Variants in SGCD observed in about 807,000 individuals in gnomAD.
SGCD encodes the protein sarcoglycan delta.
A neutral mutation model predicts 36.6 loss-of-function variants in SGCD; 18 were observed. That is an observed-to-expected ratio of 0.49 (90% confidence interval 0.34 to 0.73). The LOEUF is 0.73. Among genes scored for constraint, SGCD ranks in the 30% least tolerant of loss-of-function variants. The probability of loss-of-function intolerance (pLI) is 0.01; values close to 1 mark genes in which losing one functional copy is unlikely to be tolerated. For missense variants in SGCD, 387 were observed against 346.7 expected (o/e 1.12, Z -0.92); for synonymous variants, 133 against 130.6 (o/e 1.02, Z -0.12).
chr5:156,545,416 A>G (rs888377911), intron 4 of SGCD, among the ~76,000 whole-genome samples: 7 of 151,976 alleles, frequency 4.6e-5, no homozygotes, highest in African/African-American at 1.7e-4. Context: ...AGCAGACCCT[A>G]ACGTTTTTGG....
intron 3 of SGCD, among the ~76,000 whole-genome samples, chr5:156,499,229 C>A (rs988597171): frequency 1.3e-5 from 2 of 152,130 alleles, no homozygotes; most frequent in Non-Finnish European, 2.9e-5. Flanking sequence ...ACAGTGCAGA[C>A]CATGTGCTTT....
chr5:156,296,034 G>T (rs1267666957), intron 3 of SGCD, among the ~76,000 whole-genome samples: 1 of 152,186 alleles, frequency 6.6e-6, no homozygotes, highest in Non-Finnish European at 1.5e-5. Flanking sequence ...GGACCTGTGA[G>T]CCAGAGCATC....
intron 1 of SGCD, among the ~76,000 whole-genome samples, chr5:155,936,360 G>C (rs1028369556): frequency 6.6e-6 from 1 of 152,138 alleles, no homozygotes; most frequent in African/African-American, 2.4e-5. Context: ...GGCGACCCTG[G>C]GATGGATAGC....
intron 7 of SGCD, among the ~76,000 whole-genome samples, chr5:156,736,137 C>T (rs1175033108): frequency 1.3e-5 from 2 of 152,276 alleles, no homozygotes; most frequent in East Asian, 3.9e-4. Context: ...CTTGATTAGT[C>T]CCAGTGTTGA....
intron 4 of SGCD, among the ~76,000 whole-genome samples, chr5:156,557,078 C>T (rs1759055926): frequency 6.6e-6 from 1 of 152,028 alleles, no homozygotes; most frequent in South Asian, 2.1e-4. Flanking sequence ...TCCCTTTTTC[C>T]TAAGAAGTAT....
At chr5:155,840,425 T>C in the SGCD span, among the ~76,000 whole-genome samples, 13 of 149,988 alleles carry the variant, frequency 8.7e-5, 1 homozygote, top group African/African-American at 3.2e-4. Flanking sequence ...TTTTTTTTTT[T>C]TGTATTTTTA....
rs112261082 is a variant in SGCD at position 155,994,396 on chromosome 5, T to G, written c.-281-123482T>G. 4.1e-3 allele frequency among the ~76,000 whole-genome samples: 623 copies of G among 152,344 alleles called. 1 individual carries two copies. The highest frequency in any genetic ancestry group is 0.014 in the African/African-American group (589 of 41,582). On this transcript the variant is annotated intron_variant, in intron 1 of 9. Transcript: ENST00000517913. ...ATGTACACTATTATTATTGTACTGG[T>G]TAATGTCACATTTATATTTCACCTC...
At chr5:155,783,551 TA>T in the SGCD span, among the ~76,000 whole-genome samples, 1 of 152,042 alleles carries the variant, frequency 6.6e-6, no homozygotes, top group South Asian at 2.1e-4. Flanking sequence ...TTTTTTTTTT[TA>T]CAAACTCTGA....
chr5:156,405,473 A>T (rs1772357121), intron 3 of SGCD, among the ~76,000 whole-genome samples: 1 of 152,172 alleles, frequency 6.6e-6, no homozygotes, highest in African/African-American at 2.4e-5. Flanking sequence ...TTAGCAAAAA[A>T]GTTTACAAAC....
intron 1 of SGCD, among the ~76,000 whole-genome samples, chr5:156,045,351 T>C (rs962068862): frequency 6.6e-6 from 1 of 152,180 alleles, no homozygotes; most frequent in African/African-American, 2.4e-5. Flanking sequence ...TTTTGTGATC[T>C]GTGCATTTTC....
chr5:156,078,180 A>G (rs983462271), intron 1 of SGCD, among the ~76,000 whole-genome samples: 7 of 151,840 alleles, frequency 4.6e-5, no homozygotes, highest in Non-Finnish European at 7.4e-5. Context: ...TTTTATTGAA[A>G]ATTTTATTAA....
At chr5:156,730,225 T>G (rs577112249) in intron 7 of SGCD, among the ~76,000 whole-genome samples, 1 of 152,170 alleles carries the variant, frequency 6.6e-6, no homozygotes, top group African/African-American at 2.4e-5. Flanking sequence ...TCTGTGCAGT[T>G]TTTTTTAGCT....
At chr5:156,349,583 T>A (rs1769129330) in intron 3 of SGCD, among the ~76,000 whole-genome samples, 3 of 151,936 alleles carry the variant, frequency 2.0e-5, no homozygotes, top group Non-Finnish European at 2.9e-5. Flanking sequence ...TTAATAAAAA[T>A]TAAAAAAAAT....
At chr5:155,956,397 A>C (rs1373384762) in intron 1 of SGCD, among the ~76,000 whole-genome samples, 1 of 152,118 alleles carries the variant, frequency 6.6e-6, no homozygotes, top group African/African-American at 2.4e-5. Flanking sequence ...GAGGAGAAGA[A>C]ATCAAAATTA....
At chr5:156,022,732 A>G (rs1759133861) in intron 1 of SGCD, among the ~76,000 whole-genome samples, 1 of 152,190 alleles carries the variant, frequency 6.6e-6, no homozygotes, top group Non-Finnish European at 1.5e-5. Flanking sequence ...TGTTTTAAAT[A>G]CAATATTCAT....
At chr5:156,098,406 G>A (rs1415714755) in intron 1 of SGCD, among the ~76,000 whole-genome samples, 1 of 152,150 alleles carries the variant, frequency 6.6e-6, no homozygotes, top group Non-Finnish European at 1.5e-5. Context: ...ATAAACAAGA[G>A]TTGATGCCTA....
At chr5:156,451,839 C>A (rs1754033439) in intron 3 of SGCD, among the ~76,000 whole-genome samples, 1 of 152,136 alleles carries the variant, frequency 6.6e-6, no homozygotes, top group African/African-American at 2.4e-5. Flanking sequence ...GAAAATATTT[C>A]TACCTGGTTC....
rs1003197422 is a variant in SGCD at position 156,184,556 on chromosome 5, T to C, written c.-44+60537T>C. ...TTTATTGATTGCTTCTTCCTTGTCC[T>C]GTCTTATATTTATGAGACTTCTTAA... On this transcript the variant is annotated intron_variant, in intron 3 of 9. Coordinates refer to the SGCD transcript ENST00000517913. Among the ~76,000 whole-genome samples the C allele has an allele frequency of 3.3e-5, 5 of 152,346 alleles. No homozygotes were observed. The East Asian group carries it at 7.7e-4, about 23-fold the overall frequency.
At position 156,590,360 on chromosome 5, in the gene SGCD, G is replaced by C. The variant is rs536161869; in HGVS notation, c.382+1042G>C. Among the ~76,000 whole-genome samples the C allele has an allele frequency of 2.0e-5, 3 of 152,200 alleles. No homozygotes were observed. The East Asian group carries it at 5.8e-4, about 29-fold the overall frequency. On this transcript the variant is annotated intron_variant, in intron 5 of 8. Transcript: ENST00000337851. ...AGATTCATAGCCAGTGGGTGACTTG[G>C]ACCATCTGCCAATCAAGAAACTCAG...
Sources: gnomAD v4.1 joint callset for allele counts (sites outside exome capture counted in the v4.1 genomes callset) on GRCh38, gnomAD v4.1.1 for gene constraint, MANE v1.5 for transcripts, NCBI Gene and HGNC (gene_info 2026-07-23, HGNC 2026-07-21) for gene names.